PPFIA2: variants seen among roughly 807,000 people sequenced by gnomAD.
PPFIA2 encodes the protein PPFI scaffold protein A2, also known as liprin-alpha-2.
A neutral mutation model predicts 175.5 loss-of-function variants in PPFIA2; 46 were observed. The observed-to-expected ratio is 0.26, with a 90% CI of 0.21 to 0.34. PPFIA2 has a LOEUF of 0.34. Ranked by LOEUF, PPFIA2 falls within the 10% of genes least tolerant of loss-of-function variation. The pLI is 1.00. For synonymous variants in PPFIA2, 568 were observed against 511.4 expected, an observed-to-expected ratio of 1.11 and a Z score of -1.49; for missense variants, 1,179 against 1,506.1, an observed-to-expected ratio of 0.78 and a Z score of 3.60.
intron 6 of PPFIA2, 33 bp downstream of exon 6, chr12:81,445,518 AAGTGT>A (rs759619526): frequency 1.3e-6 from 2 of 1,586,684 alleles, no homozygotes; most frequent in Admixed American, 1.7e-5. Context: ...CTGATGACAG[AAGTGT>A]AGTTAAGCTT....
rs551674518 is a variant in PPFIA2 at position 81,579,580 on chromosome 12, A to T, written c.303+97211T>A. Among the ~76,000 whole-genome samples, 3 of 151,946 alleles carry T rather than the reference A, an allele frequency of 2.0e-5. No homozygotes were observed. In the East Asian group the frequency reaches 5.8e-4, roughly 30 times the overall value. ...AATTTAATTAGCTTATTTTCATGTG[A>T]AAAAAGTAGTTTGGTATCCTCACAA... On this transcript the variant is annotated intron_variant, in intron 4 of 32. Coordinates refer to ENST00000549396, the MANE Select transcript of PPFIA2 (RefSeq NM_003625.5).
intron 4 of PPFIA2, among the ~76,000 whole-genome samples, chr12:81,662,508 T>C (rs1239217185): frequency 1.3e-5 from 2 of 152,030 alleles, no homozygotes; most frequent in Admixed American, 1.3e-4. Context: ...CAGGAAGAAG[T>C]TGAATCTCTG....
chr12:81,510,652 T>C (rs374722541), intron 4 of PPFIA2, among the ~76,000 whole-genome samples: 6 of 152,230 alleles, frequency 3.9e-5, no homozygotes, highest in African/African-American at 1.4e-4. Flanking sequence ...TTTAAACAGA[T>C]GATAACCCTG....
At chr12:81,541,630 C>A (rs548888879) in intron 4 of PPFIA2, among the ~76,000 whole-genome samples, 5 of 152,012 alleles carry the variant, frequency 3.3e-5, no homozygotes, top group Non-Finnish European at 7.4e-5. Context: ...AAATAGTTCT[C>A]TTTCATTATA....
chr12:81,598,124 A>T, intron 4 of PPFIA2: 2 of 1,509,652 alleles, frequency 1.3e-6, no homozygotes, highest in Non-Finnish European at 1.8e-6. Flanking sequence ...GCATTGAGGG[A>T]GACTAGAGGG....
intron 15 of PPFIA2, among the ~76,000 whole-genome samples, chr12:81,361,612 T>C (rs2030374178): frequency 6.6e-6 from 1 of 151,694 alleles, no homozygotes; most frequent in Non-Finnish European, 1.5e-5. Flanking sequence ...TTTTTTCAAT[T>C]TGAATTTTTA....
intron 3 of PPFIA2, among the ~76,000 whole-genome samples, chr12:81,728,667 T>G (rs2080423886): frequency 1.3e-5 from 2 of 151,458 alleles, no homozygotes; most frequent in Non-Finnish European, 3.0e-5. Context: ...TGTTATAAAA[T>G]TACTGTTGTT....
chr12:81,442,052 G>C (rs2145088988), intron 6 of PPFIA2, among the ~76,000 whole-genome samples: 1 of 152,048 alleles, frequency 6.6e-6, no homozygotes, highest in Non-Finnish European at 1.5e-5. Flanking sequence ...TCTTAGAACT[G>C]TTCCAAACTG....
At chr12:81,394,213 T>C (rs1326466741) in intron 8 of PPFIA2, among the ~76,000 whole-genome samples, 1 of 152,038 alleles carries the variant, frequency 6.6e-6, no homozygotes, top group Non-Finnish European at 1.5e-5. Flanking sequence ...TTGAAAGTTT[T>C]TAGATAACTT....
chr12:81,414,449 GA>G (rs1272786827), intron 7 of PPFIA2, among the ~76,000 whole-genome samples: 3 of 151,146 alleles, frequency 2.0e-5, no homozygotes, highest in Admixed American at 1.3e-4. Context: ...AACTTACCCT[GA>G]AAAAAAATTA....
chr12:81,463,147 A>G (rs1208188955), intron 4 of PPFIA2, among the ~76,000 whole-genome samples: 2 of 152,108 alleles, frequency 1.3e-5, no homozygotes, highest in African/African-American at 4.8e-5. Context: ...AATATTATGC[A>G]AAGGGAAGAA....
intron 7 of PPFIA2, among the ~76,000 whole-genome samples, chr12:81,438,506 A>T (rs2049525692): frequency 6.6e-6 from 1 of 152,128 alleles, no homozygotes; most frequent in Non-Finnish European, 1.5e-5. Flanking sequence ...AACAAAACAA[A>T]AAACAAAGGA....
At chr12:81,359,389 T>C (rs2061310218) in intron 15 of PPFIA2, among the ~76,000 whole-genome samples, 1 of 151,814 alleles carries the variant, frequency 6.6e-6, no homozygotes, top group African/African-American at 2.4e-5. Context: ...ATTGTTTTTG[T>C]AGCAATGTAT....
intron 4 of PPFIA2, among the ~76,000 whole-genome samples, chr12:81,553,254 GA>G (rs961835931): frequency 2.6e-5 from 4 of 151,096 alleles, no homozygotes; most frequent in African/African-American, 9.7e-5. Flanking sequence ...ATAAAAATAG[GA>G]AAAAAAACCA....
chr12:81,345,134 C>T (rs891223049), intron 18 of PPFIA2, among the ~76,000 whole-genome samples: 3 of 152,086 alleles, frequency 2.0e-5, no homozygotes, highest in Admixed American at 6.6e-5. Flanking sequence ...AGCTTTGGGC[C>T]TCCTTTGGGC....
intron 8 of PPFIA2, among the ~76,000 whole-genome samples, chr12:81,400,837 C>T (rs1480464064): frequency 6.6e-6 from 1 of 152,130 alleles, no homozygotes; most frequent in Non-Finnish European, 1.5e-5. Context: ...CCTCATGTGA[C>T]ATGCCGAGGA....
chr12:81,449,657 A>T (rs2052061056), intron 5 of PPFIA2, among the ~76,000 whole-genome samples: 1 of 152,038 alleles, frequency 6.6e-6, no homozygotes, highest in Non-Finnish European at 1.5e-5. Flanking sequence ...TTATTATTAT[A>T]CTGTAAGTTC....
intron 4 of PPFIA2, among the ~76,000 whole-genome samples, chr12:81,618,560 G>T (rs1270333069): frequency 8.5e-6 from 1 of 118,058 alleles, no homozygotes; most frequent in Non-Finnish European, 1.7e-5. Flanking sequence ...ATGGAGTGTC[G>T]CTCTGTCGCC....
chr12:81,363,282 A>G (rs1848602305), intron 14 of PPFIA2, among the ~76,000 whole-genome samples: 1 of 151,078 alleles, frequency 6.6e-6, no homozygotes, highest in South Asian at 2.1e-4. Context: ...AAAAAATATT[A>G]ATTAATTAAT....
Sources: gnomAD v4.1 joint callset for allele counts (sites outside exome capture counted in the v4.1 genomes callset) on GRCh38, gnomAD v4.1.1 for gene constraint, MANE v1.5 for transcripts, NCBI Gene and HGNC (gene_info 2026-07-23, HGNC 2026-07-21) for gene names.